The following BRINP3 variants were observed in gnomAD, a reference collection of about 807,000 sequenced individuals.
BRINP3 encodes the protein BMP/retinoic acid-inducible neural-specific protein 3.
In BRINP3, 19 loss-of-function variants were observed where a neutral mutation model predicts 71.0. The observed-to-expected ratio is 0.27, with a 90% CI of 0.19 to 0.39. The LOEUF (loss-of-function observed/expected upper bound fraction) is 0.39. Ranked by LOEUF, BRINP3 falls within the 10% of genes least tolerant of loss-of-function variation. The pLI, the probability that BRINP3 is intolerant of heterozygous loss-of-function variation, is 1.00. For missense variants in BRINP3, 959 were observed against 940.8 expected, an observed-to-expected ratio of 1.02 and a Z score of -0.25; for synonymous variants, 380 against 337.7, an observed-to-expected ratio of 1.13 and a Z score of -1.37.
chr1:190,190,490 A>G (rs1273866383), intron 6 of BRINP3, among the ~76,000 whole-genome samples: 3 of 152,100 alleles, frequency 2.0e-5, no homozygotes, highest in Admixed American at 2.0e-4. Context: ...GTAGTTGTTC[A>G]AACTGATGTT....
intron 4 of BRINP3, among the ~76,000 whole-genome samples, chr1:190,243,640 A>G (rs1659319065): frequency 6.6e-6 from 1 of 152,050 alleles, no homozygotes; most frequent in South Asian, 2.1e-4. Flanking sequence ...AGTTACAAAC[A>G]ATAGGTACAG....
intron 1 of BRINP3, among the ~76,000 whole-genome samples, chr1:190,465,254 G>T (rs755017723): frequency 1.4e-4 from 22 of 151,892 alleles, no homozygotes; most frequent in Admixed American, 2.0e-4. Context: ...AGGCACTAAA[G>T]AATGAAGTCC....
chr1:190,253,174 T>C (rs1033341194), intron 4 of BRINP3, among the ~76,000 whole-genome samples: 1 of 152,156 alleles, frequency 6.6e-6, no homozygotes, highest in East Asian at 1.9e-4. Context: ...ATCCAGTCTA[T>C]CATTGATGGA....
intron 7 of BRINP3, among the ~76,000 whole-genome samples, chr1:190,111,724 C>T (rs1043362005): frequency 6.6e-6 from 1 of 152,008 alleles, no homozygotes; most frequent in Non-Finnish European, 1.5e-5. Flanking sequence ...AGCCATCTTG[C>T]CATTTCAAAG....
intron 2 of BRINP3, among the ~76,000 whole-genome samples, chr1:190,409,366 A>G (rs1054256628): frequency 6.6e-6 from 1 of 152,186 alleles, no homozygotes; most frequent in Non-Finnish European, 1.5e-5. Flanking sequence ...ATTACTATGG[A>G]CACAGCATAG....
chr1:190,459,679 T>C (rs1044213803), intron 1 of BRINP3, among the ~76,000 whole-genome samples: 1 of 152,044 alleles, frequency 6.6e-6, no homozygotes, highest in Admixed American at 6.6e-5. Context: ...ATCATTTCTT[T>C]TTTTGTATTT....
intron 7 of BRINP3, among the ~76,000 whole-genome samples, chr1:190,160,171 T>A (rs10047244): frequency 0.22 from 33,163 of 151,974 alleles, 4,165 homozygotes; most frequent in East Asian, 0.35. Flanking sequence ...ATTGTTGTCA[T>A]CATTCCTATT....
chr1:190,439,923 G>A (rs780083014), intron 2 of BRINP3, among the ~76,000 whole-genome samples: 9 of 151,714 alleles, frequency 5.9e-5, no homozygotes, highest in Non-Finnish European at 1.3e-4. Context: ...TGAAAGGGAA[G>A]AACTAGTCAT....
chr1:190,319,499 T>TA (rs1187192031), intron 2 of BRINP3, among the ~76,000 whole-genome samples: 15 of 152,208 alleles, frequency 9.9e-5, no homozygotes, highest in East Asian at 5.8e-4. Flanking sequence ...GTAATTTATA[T>TA]AAAAAATAGG....
At chr1:190,262,750 A>G (rs550493026) in intron 4 of BRINP3, among the ~76,000 whole-genome samples, 8 of 152,286 alleles carry the variant, frequency 5.3e-5, no homozygotes, top group East Asian at 1.9e-4. Context: ...CACACTTCCT[A>G]TAAGTGTCAC....
intron 2 of BRINP3, among the ~76,000 whole-genome samples, chr1:190,315,186 T>C (rs1041058635): frequency 6.6e-6 from 1 of 152,002 alleles, no homozygotes; most frequent in Non-Finnish European, 1.5e-5. Flanking sequence ...GAAAATGTAA[T>C]AAAGGAAGCA....
chr1:190,289,066 T>C (rs938836587), intron 2 of BRINP3, among the ~76,000 whole-genome samples: 1 of 151,930 alleles, frequency 6.6e-6, no homozygotes, highest in African/African-American at 2.4e-5. Flanking sequence ...TAACCAATTA[T>C]ATATCTGAGA....
At chr1:190,301,234 T>TATATATATATATATATACAC (rs1268377492) in intron 2 of BRINP3, among the ~76,000 whole-genome samples, 1 of 123,414 alleles carries the variant, frequency 8.1e-6, no homozygotes, top group South Asian at 2.6e-4. Context: ...TATATATATA[T>TATATATATATATATATACAC]ACACACATAC....
At chr1:190,381,246 G>T (rs1670529317) in intron 2 of BRINP3, among the ~76,000 whole-genome samples, 1 of 151,772 alleles carries the variant, frequency 6.6e-6, no homozygotes, top group African/African-American at 2.4e-5. Context: ...TCAATATTTT[G>T]CTTCCTTGAC....
intron 2 of BRINP3, among the ~76,000 whole-genome samples, chr1:190,444,212 C>G (rs982830749): frequency 1.7e-5 from 2 of 116,156 alleles, no homozygotes; most frequent in Non-Finnish European, 3.3e-5. Context: ...GCACTCCTGC[C>G]GGGGCAACAA....
rs142983635 is a variant in BRINP3, at chr1:190,220,003, A to C, written c.961+6079T>G. Among the ~76,000 whole-genome samples the C allele has an allele frequency of 4.9e-3, 746 of 152,070 alleles. 6 individuals are homozygous for C. Among genetic ancestry groups the C allele is most frequent in the African/African-American group, 0.017 (702 of 41,472 alleles). On this transcript the variant is annotated intron_variant, in intron 6 of 7. Coordinates refer to ENST00000367462, the MANE Select transcript of BRINP3 (RefSeq NM_199051.3). ...CCAAATTGAAGAATTATTGGTATTC[A>C]AAAGTGAGCTGAGCAAGATCAAGGA...
chr1:190,408,448 A>C (rs551141477), intron 2 of BRINP3, among the ~76,000 whole-genome samples: 1 of 152,222 alleles, frequency 6.6e-6, no homozygotes, highest in East Asian at 1.9e-4. Flanking sequence ...AATATACAAA[A>C]CATTTTATTG....
chr1:190,301,755 G>T (rs998883662), intron 2 of BRINP3, among the ~76,000 whole-genome samples: 1 of 151,888 alleles, frequency 6.6e-6, no homozygotes, highest in African/African-American at 2.4e-5. Context: ...TACAGAGAAA[G>T]ATTACATAAC....
At chr1:190,461,023 A>T (rs937351195) in intron 1 of BRINP3, among the ~76,000 whole-genome samples, 1 of 152,152 alleles carries the variant, frequency 6.6e-6, no homozygotes, top group Admixed American at 6.5e-5. Context: ...GGCTCTATCC[A>T]ATCTGTTCTT....
Sources: gnomAD v4.1 joint callset for allele counts (sites outside exome capture counted in the v4.1 genomes callset) on GRCh38, gnomAD v4.1.1 for gene constraint, MANE v1.5 for transcripts, NCBI Gene and HGNC (gene_info 2026-07-23, HGNC 2026-07-21) for gene names.